The following GPM6B variants were observed in gnomAD, a reference collection of about 807,000 sequenced individuals.
The protein encoded by GPM6B is glycoprotein M6B.
A neutral mutation model predicts 27.2 loss-of-function variants in GPM6B; 4 were observed. The ratio of observed to expected loss-of-function variants is 0.15; its 90% confidence interval spans 0.07 to 0.34. GPM6B has a LOEUF of 0.34. GPM6B is among the 10% of genes least tolerant of loss of function. The pLI, the probability that GPM6B is intolerant of heterozygous loss-of-function variation, is 1.00. For missense variants in GPM6B, 183 were observed against 261.9 expected (o/e 0.70, Z 2.08); for synonymous variants, 124 against 103.1 (o/e 1.20, Z -1.23).
intron 2 of GPM6B, among the ~76,000 whole-genome samples, chrX:13,793,096 A>G (rs1316958429): frequency 1.8e-5 from 2 of 109,695 alleles, no homozygotes; most frequent in Non-Finnish European, 3.8e-5. Flanking sequence ...CAGCATTAAC[A>G]TCAACAGACC....
At chrX:13,786,079 AAG>A (rs1188010047) in intron 2 of GPM6B, among the ~76,000 whole-genome samples, 3 of 112,525 alleles carry the variant, frequency 2.7e-5, no homozygotes, top group African/African-American at 9.7e-5. Context: ...TCAATTGACA[AAG>A]AGTTATAAGG....
At chrX:13,868,189 TTGTGTG>T (rs59057250) in intron 1 of GPM6B, among the ~76,000 whole-genome samples, 9 of 106,912 alleles carry the variant, frequency 8.4e-5, no homozygotes, top group Admixed American at 3.0e-4. Context: ...GACATTTAAA[TTGTGTG>T]TGTGTGTGTG....
At chrX:13,879,088 G>C (rs998544529) in intron 1 of GPM6B, among the ~76,000 whole-genome samples, 2 of 111,977 alleles carry the variant, frequency 1.8e-5, no homozygotes, top group Non-Finnish European at 3.8e-5. Context: ...GTCTTAGAGC[G>C]GCCACAGGAA....
chrX:13,862,712 ACAGGGTCTCTAC>A (rs1377618329), intron 1 of GPM6B, among the ~76,000 whole-genome samples: 4 of 111,601 alleles, frequency 3.6e-5, no homozygotes, highest in Non-Finnish European at 7.5e-5. Flanking sequence ...ATTTTTTGAT[ACAGGGTCTCTAC>A]CACCCAGGCT....
At chrX:13,826,748 G>T (rs937046508) in intron 1 of GPM6B, among the ~76,000 whole-genome samples, 1 of 104,670 alleles carries the variant, frequency 9.6e-6, no homozygotes. Flanking sequence ...TTGTTTTTTT[G>T]TTTTTTTTTT....
At chrX:13,799,402 ATTT>A (rs377057396) in intron 2 of GPM6B, among the ~76,000 whole-genome samples, 2 of 63,795 alleles carry the variant, frequency 3.1e-5, no homozygotes, top group African/African-American at 5.8e-5. Flanking sequence ...TATTATTATT[ATTT>A]TTTTTTTAGT....
intron 1 of GPM6B, 125 bp from the exon 2 acceptor site, chrX:13,807,894 C>T: frequency 3.4e-6 from 2 of 587,743 alleles, no homozygotes. Flanking sequence ...TATTGAAATG[C>T]AACCCTTCAG....
chrX:13,930,470 C>A (rs188215227), intron 1 of GPM6B, among the ~76,000 whole-genome samples: 1 of 111,265 alleles, frequency 9.0e-6, no homozygotes, highest in East Asian at 2.8e-4. Flanking sequence ...AAAAATTAGC[C>A]AGGCGTGGTT....
intron 1 of GPM6B, among the ~76,000 whole-genome samples, chrX:13,835,890 C>A (rs1274342808): frequency 1.8e-5 from 2 of 112,155 alleles, no homozygotes; most frequent in African/African-American, 6.5e-5. Flanking sequence ...TATAGTAAAA[C>A]ACAGAGGTAC....
At chrX:13,865,559 A>AAAAAAAAAAAAAAAAAAAAAAG (rs34662549) in intron 1 of GPM6B, among the ~76,000 whole-genome samples, 2 of 52,929 alleles carry the variant, frequency 3.8e-5, no homozygotes, top group African/African-American at 6.3e-5. Flanking sequence ...AAAAAAAAAA[A>AAAAAAAAAAAAAAAAAAAAAAG]AAAGAAAGAA....
chrX:13,802,739 T>C (rs1291160463), intron 2 of GPM6B, among the ~76,000 whole-genome samples: 1 of 111,940 alleles, frequency 8.9e-6, no homozygotes, highest in Non-Finnish European at 1.9e-5. Context: ...GAGCCTGAGC[T>C]ACAACGTGCT....
intron 2 of GPM6B, among the ~76,000 whole-genome samples, chrX:13,796,125 A>C (rs2048810915): frequency 9.0e-6 from 1 of 111,190 alleles, no homozygotes; most frequent in Non-Finnish European, 1.9e-5. Flanking sequence ...GGGTTTCTCC[A>C]TGTTGGTCAG....
At chrX:13,938,491 C>T (rs770883109), upstream of GPM6B, 5 of 947,525 alleles carry the variant, frequency 5.3e-6, no homozygotes, top group Admixed American at 1.9e-4. Flanking sequence ...GGCGCGCAGC[C>T]AGCGCGCTCG....
chrX:13,896,569 C>T (rs770452397), intron 1 of GPM6B, among the ~76,000 whole-genome samples: 20 of 110,468 alleles, frequency 1.8e-4, no homozygotes, highest in Non-Finnish European at 3.8e-4. Context: ...CAATTTCTCT[C>T]TTTTTTTTCA....
chrX:13,807,511 G>A lies in GPM6B; in HGVS notation c.181+139C>T, dbSNP rs892762404. ...GATGATTAAAAAATGTTTATAGGGC[G>A]AATTCCACCCATGCCCGTGTGAACA... On this transcript the variant is annotated intron_variant, in intron 2 of 7. Transcript: ENST00000316715. The A allele has an allele frequency of 1.8e-5, 8 of 433,436 alleles. No individual in the cohort carries two copies. In the Admixed American group the frequency reaches 2.2e-4, roughly 12 times the overall value. The allele number at this position is 433,436 out of a possible 1,213,427, so 35.7% of individuals were successfully genotyped here. A position where few individuals can be genotyped will look rare whatever the true frequency, so the allele number is the denominator to read the frequency against.
chrX:13,838,858 C>G (rs2049537805), intron 1 of GPM6B, among the ~76,000 whole-genome samples: 1 of 111,601 alleles, frequency 9.0e-6, no homozygotes, highest in African/African-American at 3.3e-5. Context: ...TCTGCCCATC[C>G]TCCTGTAAAC....
intron 1 of GPM6B, among the ~76,000 whole-genome samples, chrX:13,914,216 T>G (rs1316015910): frequency 8.9e-6 from 1 of 112,418 alleles, no homozygotes; most frequent in Non-Finnish European, 1.9e-5. Flanking sequence ...AAGGTTCATG[T>G]GATATGTTTT....
At position 13,817,093 on chromosome X, in the gene GPM6B, T is replaced by C. The variant is rs180718211; in HGVS notation, c.-189A>G. On this transcript the variant is annotated 5_prime_UTR_variant, in exon 1 of 8. Coordinates refer to ENST00000316715, the MANE Select transcript of GPM6B (RefSeq NM_001001995.3). ...AGTCTTGTCAGCGTCAATTTCGCTC[T>C]GCCTACTGGTCCATAAAGACAGCTG... The C allele has an allele frequency of 4.5e-5, 45 of 998,011 alleles. No individual in the cohort carries two copies. In the African/African-American group the frequency reaches 5.9e-4, roughly 13 times the overall value. The allele number at this position is 998,011 out of a possible 1,213,427, so 82.2% of individuals were successfully genotyped here.
chrX:13,837,514 T>TTCA (rs2049511501), intron 1 of GPM6B, among the ~76,000 whole-genome samples: 1 of 111,336 alleles, frequency 9.0e-6, no homozygotes, highest in African/African-American at 3.3e-5. Flanking sequence ...TGCCACCCTA[T>TTCA]TCATCCCCTT....
Sources: allele counts gnomAD v4.1 joint callset (sites outside exome capture counted in the v4.1 genomes callset), GRCh38; gene constraint gnomAD v4.1.1; transcripts MANE v1.5; gene names NCBI Gene and HGNC (gene_info 2026-07-23, HGNC 2026-07-21).